Variants in AIMP1 observed in about 807,000 individuals in gnomAD.
AIMP1 encodes the protein aminoacyl tRNA synthase complex-interacting multifunctional protein 1.
In AIMP1, 24 loss-of-function variants were observed where a neutral mutation model predicts 33.1. That is an observed-to-expected ratio of 0.73 (90% CI 0.53 to 1.02). The LOEUF (loss-of-function observed/expected upper bound fraction) is 1.02, where lower values mean the gene tolerates loss of function less well. Among genes scored for constraint, AIMP1 ranks in the 50% least tolerant of loss-of-function variants. The pLI is 0.00. For missense variants in AIMP1, 367 were observed against 364.8 expected, an observed-to-expected ratio of 1.01 and a Z score of -0.05; for synonymous variants, 120 against 121.5, an observed-to-expected ratio of 0.99 and a Z score of 0.08.
chr4:106,343,697 C>T (rs534341647), intron 6 of AIMP1, among the ~76,000 whole-genome samples: 39 of 152,214 alleles, frequency 2.6e-4, no homozygotes, highest in Admixed American at 1.6e-3. Context: ...CATATGCTCA[C>T]CACTCTACTC....
intron 6 of AIMP1, among the ~76,000 whole-genome samples, chr4:106,343,642 C>T (rs73839439): frequency 0.018 from 2,766 of 152,248 alleles, 78 homozygotes; most frequent in African/African-American, 0.061. Context: ...AAATCTCAGT[C>T]TCCATGATTT....
intron 5 of AIMP1, among the ~76,000 whole-genome samples, chr4:106,334,316 A>G (rs1769790571): frequency 1.4e-5 from 2 of 147,598 alleles, no homozygotes. Flanking sequence ...GCTGGAGTGC[A>G]GTGGGGCAGT....
At position 106,336,949 on chromosome 4, in the gene AIMP1, G is replaced by A. The variant is rs1382486282; in HGVS notation, c.684G>A (p.Met228Ile). The change falls in exon 6 of 7, where the codon ATG becomes ATA. Residue 228 changes from methionine (M) to isoleucine (I), a missense_variant. Physicochemically the swap from Met to Ile is conservative, Grantham distance 10 (BLOSUM62 1). Transcript: ENST00000672341. ...GAGTATTATCTCAAGCAATGGTCAT[G>A]TGTGCTAGTTCACCAGAGAAAATTG... ...MRGVLSQAMV[M>I]CASSPEKIEI... 5.6e-6 allele frequency: 9 copies of A among 1,614,008 alleles called. No homozygotes were observed. Among genetic ancestry groups the A allele is most frequent in the Non-Finnish European group, 7.6e-6 (9 of 1,179,908 alleles).
rs1261226703 is a variant in AIMP1, at chr4:106,348,277, T to A, written c.*585T>A. 4 of 152,162 alleles carry A rather than the reference T, an allele frequency of 2.6e-5. No homozygotes were observed. The highest frequency in any genetic ancestry group is 4.8e-5 in the African/African-American group (2 of 41,436). The allele number at this position is 152,162 out of a possible 1,614,324, so 9.4% of individuals were successfully genotyped here. A position where few individuals can be genotyped will look rare whatever the true frequency, so the allele number is the denominator to read the frequency against. ...AATAATACAATAACAGCAATTTTTT[T>A]AAAAAACTGAGATTTCCTACTGGCT... is the stretch of plus-strand genomic sequence containing the variant. On this transcript the variant is annotated 3_prime_UTR_variant, in exon 7 of 7. Transcript: ENST00000672341.
chr4:106,331,685 G>A lies in AIMP1; in HGVS notation c.405G>A (p.Glu135=), dbSNP rs779561880. The change falls in exon 5 of 7, where the codon GAG becomes GAA. Residue 135 remains glutamate (E), a synonymous_variant. Coordinates refer to ENST00000672341, the MANE Select transcript of AIMP1 (RefSeq NM_001142416.2). ...EKIEKKGEKK[E]KKQQSIAGSA... ...AATACTTTTTAGGAGAGAAGAAGGA[G>A]AAAAAACAGCAATCAATAGCTGGAA... The A allele has an allele frequency of 6.2e-7, 1 of 1,613,984 alleles. No homozygotes were observed. Among genetic ancestry groups the A allele is most frequent in the South Asian group, 1.1e-5 (1 of 91,076 alleles).
chr4:106,322,229 C>T (rs1043491532), intron 1 of AIMP1, among the ~76,000 whole-genome samples: 3 of 151,884 alleles, frequency 2.0e-5, no homozygotes, highest in Admixed American at 2.0e-4. Context: ...CCACTATTGT[C>T]CTATGACCCT....
chr4:106,335,021 T>C (rs976023852), intron 5 of AIMP1, among the ~76,000 whole-genome samples: 10 of 152,170 alleles, frequency 6.6e-5, no homozygotes, highest in Admixed American at 5.9e-4. Context: ...TGAAAGCCAT[T>C]GTAGGATTTT....
intron 6 of AIMP1, among the ~76,000 whole-genome samples, chr4:106,340,451 A>C (rs1219127586): frequency 6.6e-6 from 1 of 152,110 alleles, no homozygotes; most frequent in African/African-American, 2.4e-5. Context: ...CCTCCCTCCT[A>C]GTAGTACTCA....
chr4:106,334,285 T>A (rs947379396), intron 5 of AIMP1, among the ~76,000 whole-genome samples: 1 of 151,548 alleles, frequency 6.6e-6, no homozygotes, highest in Non-Finnish European at 1.5e-5. Context: ...TCTTTTTTTT[T>A]TTTTTTGGAG....
intron 2 of AIMP1, among the ~76,000 whole-genome samples, 153 bp downstream of exon 2, chr4:106,325,271 G>A (rs1769415527): frequency 6.6e-6 from 1 of 152,002 alleles, no homozygotes; most frequent in South Asian, 2.1e-4. Flanking sequence ...TCTACCTTCA[G>A]GACTTCAGTT....
chr4:106,319,208 T>C (rs1427260909), intron 1 of AIMP1, among the ~76,000 whole-genome samples: 2 of 152,168 alleles, frequency 1.3e-5, no homozygotes, highest in African/African-American at 2.4e-5. Flanking sequence ...AACTTACTTA[T>C]GTTTGATTCC....
intron 6 of AIMP1, among the ~76,000 whole-genome samples, chr4:106,347,107 A>G (rs866938074): frequency 2.0e-4 from 31 of 152,236 alleles, no homozygotes; most frequent in African/African-American, 7.2e-4. Flanking sequence ...ACCAGCACCA[A>G]GGAGGAAATC....
chr4:106,329,132 C>T (rs1202538000), intron 4 of AIMP1, among the ~76,000 whole-genome samples: 1 of 151,464 alleles, frequency 6.6e-6, no homozygotes, highest in Non-Finnish European at 1.5e-5. Context: ...TTGCCAGTTC[C>T]TTTGGCAAAC....
At chr4:106,320,956 C>CT (rs1184577506) in intron 1 of AIMP1, among the ~76,000 whole-genome samples, 1 of 152,158 alleles carries the variant, frequency 6.6e-6, no homozygotes, top group Non-Finnish European at 1.5e-5. Context: ...CCGTGTTGGC[C>CT]GGGCTGGTCT....
intron 5 of AIMP1, among the ~76,000 whole-genome samples, chr4:106,334,909 G>A (rs894424022): frequency 6.6e-5 from 10 of 152,292 alleles, no homozygotes; most frequent in Admixed American, 5.9e-4. Flanking sequence ...TATGAATAGA[G>A]CAGGGTTAAT....
intron 1 of AIMP1, among the ~76,000 whole-genome samples, chr4:106,320,023 C>T (rs1017878281): frequency 6.6e-6 from 1 of 152,056 alleles, no homozygotes; most frequent in Non-Finnish European, 1.5e-5. Flanking sequence ...TTACAGTATT[C>T]GAAATTGACT....
chr4:106,336,701 G>C lies in AIMP1; in HGVS notation c.604-168G>C, dbSNP rs140418542. ...GGAGGAATTTTTTTTTCATGTTTAT[G>C]CAAAGCTTCGTAACAACAATAAGAG... On this transcript the variant is annotated intron_variant, in intron 5 of 6. Coordinates refer to ENST00000672341, the MANE Select transcript of AIMP1 (RefSeq NM_001142416.2). 1.5e-3 allele frequency among the ~76,000 whole-genome samples: 235 copies of C among 152,054 alleles called. 1 individual carries two copies. Among genetic ancestry groups the C allele is most frequent in the African/African-American group, 5.4e-3 (222 of 41,472 alleles).
chr4:106,335,863 G>C (rs1769854027), intron 5 of AIMP1, among the ~76,000 whole-genome samples: 1 of 150,866 alleles, frequency 6.6e-6, no homozygotes, highest in Admixed American at 6.6e-5. Flanking sequence ...TAAACTTGTT[G>C]AAAGAATTTA....
At chr4:106,321,700 C>T (rs1453295489) in intron 1 of AIMP1, among the ~76,000 whole-genome samples, 1 of 152,210 alleles carries the variant, frequency 6.6e-6, no homozygotes, top group East Asian at 1.9e-4. Context: ...GGAGGTGTAC[C>T]CAACAGCTCA....
Sources: allele counts gnomAD v4.1 joint callset (sites outside exome capture counted in the v4.1 genomes callset), GRCh38; gene constraint gnomAD v4.1.1; transcripts MANE v1.5; gene names NCBI Gene and HGNC (gene_info 2026-07-23, HGNC 2026-07-21).